C10orf67: variants seen among roughly 807,000 people sequenced by gnomAD.
C10orf67 encodes the protein uncharacterized protein C10orf67, mitochondrial.
In C10orf67, 60 loss-of-function variants were observed where a neutral mutation model predicts 35.6. The ratio of observed to expected loss-of-function variants is 1.68; its 90% CI spans 1.37 to 2.09. The LOEUF (loss-of-function observed/expected upper bound fraction) is 2.09. Among genes scored for constraint, C10orf67 ranks in the 30% most tolerant of loss-of-function variants. The pLI is 0.00. For synonymous variants in C10orf67, 167 were observed against 115.8 expected, an observed-to-expected ratio of 1.44 and a Z score of -2.84; for missense variants, 474 against 330.2, an observed-to-expected ratio of 1.44 and a Z score of -3.38.
At chr10:23,342,527 G>T (rs1326454029) in intron 1 of C10orf67, among the ~76,000 whole-genome samples, 1 of 152,136 alleles carries the variant, frequency 6.6e-6, no homozygotes, top group Non-Finnish European at 1.5e-5. Flanking sequence ...CAGCCAAAGA[G>T]CACCCGGCAC....
chr10:23,298,110 C>G (rs1158919055), intron 5 of C10orf67, among the ~76,000 whole-genome samples: 2 of 152,070 alleles, frequency 1.3e-5, no homozygotes, highest in Non-Finnish European at 2.9e-5. Context: ...AAAAAATCAG[C>G]CAGGCGTGGT....
chr10:23,296,202 A>G (rs1843875752), intron 5 of C10orf67, among the ~76,000 whole-genome samples: 1 of 151,972 alleles, frequency 6.6e-6, no homozygotes, highest in Admixed American at 6.6e-5. Flanking sequence ...TGCAGTTGCA[A>G]GATTTAATAG....
chr10:23,329,797 C>CAAAAAAAAAAAAAAAA (rs398013008), intron 2 of C10orf67, among the ~76,000 whole-genome samples: 12 of 48,076 alleles, frequency 2.5e-4, no homozygotes, highest in South Asian at 1.9e-3. Flanking sequence ...GAACTTGTCT[C>CAAAAAAAAAAAAAAAA]AAAAAAAAAA....
chr10:23,241,331 A>G (rs1648089356), intron 12 of C10orf67, among the ~76,000 whole-genome samples: 1 of 152,248 alleles, frequency 6.6e-6, no homozygotes. Flanking sequence ...GAGTCTCACC[A>G]TACCTAATTT....
chr10:23,213,419 A>G (rs1016106864), intron 15 of C10orf67, among the ~76,000 whole-genome samples: 2 of 152,230 alleles, frequency 1.3e-5, no homozygotes, highest in African/African-American at 4.8e-5. Flanking sequence ...CCATAAAGAA[A>G]ACACTAAATA....
At chr10:23,241,061 G>A (rs1473234688) in intron 12 of C10orf67, among the ~76,000 whole-genome samples, 1 of 152,192 alleles carries the variant, frequency 6.6e-6, no homozygotes, top group Non-Finnish European at 1.5e-5. Context: ...GGCCCAGAAG[G>A]TGGAACCTTG....
intron 2 of C10orf67, among the ~76,000 whole-genome samples, chr10:23,331,785 A>T (rs2132388820): frequency 6.6e-6 from 1 of 152,226 alleles, no homozygotes; most frequent in Middle Eastern, 3.4e-3. Flanking sequence ...GGCGCATGTG[A>T]ACCGTGTCTC....
chr10:23,337,108 T>G (rs1245983611), intron 1 of C10orf67, among the ~76,000 whole-genome samples: 1 of 152,040 alleles, frequency 6.6e-6, no homozygotes, highest in African/African-American at 2.4e-5. Flanking sequence ...AAAATAGGAA[T>G]CCATCAATCC....
chr10:23,230,739 T>A (rs1841884314), intron 13 of C10orf67, among the ~76,000 whole-genome samples: 1 of 121,854 alleles, frequency 8.2e-6, no homozygotes, highest in Non-Finnish European at 1.6e-5. Context: ...GCAAAAAAAA[T>A]TATAAACACA....
intron 15 of C10orf67, among the ~76,000 whole-genome samples, chr10:23,216,983 T>C (rs1042110643): frequency 4.6e-5 from 7 of 152,210 alleles, no homozygotes; most frequent in African/African-American, 1.7e-4. Flanking sequence ...ATTCTCTATA[T>C]TCCCTTAATA....
intron 2 of C10orf67, among the ~76,000 whole-genome samples, chr10:23,329,155 A>G (rs1276440177): frequency 6.6e-6 from 1 of 152,032 alleles, no homozygotes; most frequent in African/African-American, 2.4e-5. Context: ...TGAGTGTCTG[A>G]AATAAAAAAT....
chr10:23,298,882 T>A (rs770896514), intron 5 of C10orf67, among the ~76,000 whole-genome samples: 1 of 152,152 alleles, frequency 6.6e-6, no homozygotes, highest in Non-Finnish European at 1.5e-5. Context: ...TGTCCAGGTA[T>A]GAGAACTGGC....
At chr10:23,208,213 G>A (rs543719700) in intron 15 of C10orf67, among the ~76,000 whole-genome samples, 9 of 152,278 alleles carry the variant, frequency 5.9e-5, no homozygotes, top group South Asian at 2.1e-4. Flanking sequence ...AAATGCTCTC[G>A]TAACTCACCT....
At chr10:23,279,890 G>A (rs10828423) in intron 8 of C10orf67, among the ~76,000 whole-genome samples, 20,500 of 151,448 alleles carry the variant, frequency 0.14, 2,650 homozygotes, top group East Asian at 0.66. Context: ...TTGCTCTGTC[G>A]CCCGGGCTGA....
At chr10:23,211,060 A>G (rs1470461681) in intron 15 of C10orf67, among the ~76,000 whole-genome samples, 3 of 152,212 alleles carry the variant, frequency 2.0e-5, no homozygotes, top group Non-Finnish European at 4.4e-5. Flanking sequence ...ACAAAGTAGC[A>G]CAAACTGGGG....
At chr10:23,277,252 G>T (rs143068158) in intron 8 of C10orf67, among the ~76,000 whole-genome samples, 7 of 152,184 alleles carry the variant, frequency 4.6e-5, no homozygotes, top group Admixed American at 4.6e-4. Context: ...AAATACTAAA[G>T]AAATTTGCAG....
At chr10:23,268,089 A>G (rs556424444) in intron 8 of C10orf67, among the ~76,000 whole-genome samples, 2 of 152,204 alleles carry the variant, frequency 1.3e-5, no homozygotes, top group African/African-American at 4.8e-5. Context: ...GGAGTTCAAG[A>G]CCAGCCTGAG....
At chr10:23,225,712 T>C (rs1487528834) in intron 13 of C10orf67, among the ~76,000 whole-genome samples, 5 of 151,874 alleles carry the variant, frequency 3.3e-5, no homozygotes, top group African/African-American at 1.2e-4. Flanking sequence ...AAGGCAAGGG[T>C]TGCAATCCTA....
chr10:23,335,481 T>A (rs1845645458), intron 1 of C10orf67, among the ~76,000 whole-genome samples: 1 of 152,224 alleles, frequency 6.6e-6, no homozygotes, highest in South Asian at 2.1e-4. Context: ...CTTAGAAGTA[T>A]TTTGAATGAA....
Sources: allele counts gnomAD v4.1 joint callset (sites outside exome capture counted in the v4.1 genomes callset), GRCh38; gene constraint gnomAD v4.1.1; transcripts MANE v1.5; gene names NCBI Gene and HGNC (gene_info 2026-07-23, HGNC 2026-07-21).